Variants in CSMD3 observed in about 807,000 individuals in gnomAD.
CSMD3 encodes the protein CUB and Sushi multiple domains 3.
In CSMD3, 177 loss-of-function variants were observed where a neutral mutation model predicts 435.2. That is an observed-to-expected ratio of 0.41 (90% CI 0.36 to 0.46). The LOEUF (loss-of-function observed/expected upper bound fraction) is 0.46. CSMD3 is among the 20% of genes least tolerant of loss of function. The pLI, the probability that CSMD3 is intolerant of heterozygous loss-of-function variation, is 0.34. For synonymous variants in CSMD3, 1,656 were observed against 1,520.5 expected (o/e 1.09, Z -2.07); for missense variants, 4,265 against 4,504.6 (o/e 0.95, Z 1.52).
In CSMD3 at chr8:112,900,927, T is replaced by C. The variant is rs548875676; in HGVS notation, c.1633+20700A>G. On this transcript the variant is annotated intron_variant, in intron 10 of 70. Transcript: ENST00000297405. ...AAGGTAGAATCAGAGATAGCCATCC[T>C]AACAGGTACATTAATTCTCCTTAAG... is the stretch of plus-strand genomic sequence containing the variant. Among the ~76,000 whole-genome samples, 5 of 151,316 alleles carry C rather than the reference T, an allele frequency of 3.3e-5. No individual in the cohort carries two copies. The East Asian group carries it at 7.9e-4, about 24-fold the overall frequency.
At chr8:113,413,166 T>A (rs2094566952) in intron 1 of CSMD3, among the ~76,000 whole-genome samples, 2 of 152,174 alleles carry the variant, frequency 1.3e-5, no homozygotes, top group South Asian at 4.1e-4. Flanking sequence ...TATAGCAAGG[T>A]CACTGGCTTG....
chr8:113,193,446 G>A (rs879577739), intron 3 of CSMD3, among the ~76,000 whole-genome samples: 1 of 151,264 alleles, frequency 6.6e-6, no homozygotes, highest in Non-Finnish European at 1.5e-5. Context: ...ATATAAACTA[G>A]ATTGCTTCTT....
At chr8:112,375,467 T>C (rs1053777854) in intron 38 of CSMD3, among the ~76,000 whole-genome samples, 1 of 152,128 alleles carries the variant, frequency 6.6e-6, no homozygotes, top group Non-Finnish European at 1.5e-5. Context: ...TGACTAGTTA[T>C]TGATTTCCCT....
intron 3 of CSMD3, among the ~76,000 whole-genome samples, chr8:113,218,135 G>A (rs544245026): frequency 6.7e-6 from 1 of 148,924 alleles, no homozygotes; most frequent in African/African-American, 2.5e-5. Flanking sequence ...TATTGGGGAC[G>A]ATATAAAGCA....
At chr8:112,594,212 C>A (rs573150216) in intron 22 of CSMD3, among the ~76,000 whole-genome samples, 58 of 152,310 alleles carry the variant, frequency 3.8e-4, no homozygotes, top group Middle Eastern at 3.4e-3. Flanking sequence ...TTGGGAAGCC[C>A]AAGGGGTCAG....
At chr8:112,833,226 T>C (rs1224486116) in intron 11 of CSMD3, among the ~76,000 whole-genome samples, 1 of 152,086 alleles carries the variant, frequency 6.6e-6, no homozygotes, top group Non-Finnish European at 1.5e-5. Flanking sequence ...TTGCAGTGAA[T>C]CTGTAACTGA....
intron 3 of CSMD3, among the ~76,000 whole-genome samples, chr8:113,179,984 A>G (rs2092401547): frequency 1.3e-5 from 2 of 151,952 alleles, no homozygotes; most frequent in South Asian, 4.1e-4. Context: ...AAAAATTTAA[A>G]AAAGGGATAA....
intron 32 of CSMD3, among the ~76,000 whole-genome samples, chr8:112,456,464 G>A (rs1816851723): frequency 1.3e-5 from 2 of 151,928 alleles, no homozygotes; most frequent in South Asian, 4.1e-4. Flanking sequence ...AAACATAAAT[G>A]TGCTTTCTGA....
At chr8:113,192,834 G>A (rs547723258) in intron 3 of CSMD3, among the ~76,000 whole-genome samples, 16 of 151,552 alleles carry the variant, frequency 1.1e-4, no homozygotes, top group African/African-American at 3.6e-4. Context: ...GATTCTGTTT[G>A]TTTTGGACTT....
At chr8:112,331,216 G>A (rs1343588903) in intron 45 of CSMD3, among the ~76,000 whole-genome samples, 2 of 151,800 alleles carry the variant, frequency 1.3e-5, no homozygotes, top group South Asian at 4.1e-4. Context: ...ATCTTTCAGG[G>A]GGTCATTAAT....
At chr8:113,354,560 A>T (rs2094209280) in intron 1 of CSMD3, among the ~76,000 whole-genome samples, 1 of 152,242 alleles carries the variant, frequency 6.6e-6, no homozygotes, top group South Asian at 2.1e-4. Flanking sequence ...AAACATTTCA[A>T]TTGGGGAGCT....
chr8:112,638,993 G>A (rs372895234), intron 20 of CSMD3, 82 bp from the exon 21 acceptor site: 3 of 905,398 alleles, frequency 3.3e-6, no homozygotes, highest in East Asian at 2.6e-5. Context: ...CTATTAGCCA[G>A]GACTTTACTT....
intron 13 of CSMD3, among the ~76,000 whole-genome samples, chr8:112,724,573 A>C (rs987776071): frequency 6.6e-6 from 1 of 151,990 alleles, no homozygotes; most frequent in Non-Finnish European, 1.5e-5. Context: ...AAAATCAATT[A>C]AGTTAAGTAT....
intron 2 of CSMD3, among the ~76,000 whole-genome samples, chr8:113,303,081 A>G (rs1305816441): frequency 7.5e-6 from 1 of 133,632 alleles, no homozygotes; most frequent in Non-Finnish European, 1.6e-5. Context: ...TACAAAATCA[A>G]TGTACAAAAA....
intron 43 of CSMD3, among the ~76,000 whole-genome samples, 176 bp from the exon 44 acceptor site, chr8:112,337,005 TTTTA>T (rs1353838392): frequency 6.6e-6 from 1 of 152,198 alleles, no homozygotes; most frequent in East Asian, 1.9e-4. Context: ...TAGAGTCAAC[TTTTA>T]TTTATTTTTC....
chr8:112,907,025 A>AT (rs1391037115), intron 10 of CSMD3, among the ~76,000 whole-genome samples: 2 of 151,726 alleles, frequency 1.3e-5, no homozygotes, highest in East Asian at 2.0e-4. Flanking sequence ...CCAAATAGTT[A>AT]TTTTTTAAAT....
intron 42 of CSMD3, among the ~76,000 whole-genome samples, chr8:112,339,005 G>T (rs967879136): frequency 3.3e-5 from 5 of 152,098 alleles, no homozygotes; most frequent in Admixed American, 3.3e-4. Context: ...GGGTCTGGAG[G>T]CAGGGAACCT....
intron 4 of CSMD3, among the ~76,000 whole-genome samples, chr8:113,158,917 G>T (rs551638957): frequency 2.0e-5 from 3 of 152,010 alleles, no homozygotes; most frequent in African/African-American, 7.2e-5. Context: ...AAACAAGACG[G>T]TGCCAAATAT....
At chr8:112,379,014 C>T (rs1294065319) in intron 38 of CSMD3, among the ~76,000 whole-genome samples, 1 of 151,086 alleles carries the variant, frequency 6.6e-6, no homozygotes, top group Non-Finnish European at 1.5e-5. Context: ...TTGCAAGATA[C>T]AAAATTAACA....
Sources: gnomAD v4.1 joint callset for allele counts (sites outside exome capture counted in the v4.1 genomes callset) on GRCh38, gnomAD v4.1.1 for gene constraint, MANE v1.5 for transcripts, NCBI Gene and HGNC (gene_info 2026-07-23, HGNC 2026-07-21) for gene names.